Variants in ADAMTS17 observed in about 807,000 individuals in gnomAD.
ADAMTS17 encodes the protein A disintegrin and metalloproteinase with thrombospondin motifs 17.
Under a neutral mutation model 141.5 loss-of-function variants are expected in ADAMTS17, and 113 were observed. That is an observed-to-expected ratio of 0.80 (90% CI 0.69 to 0.93). The LOEUF (loss-of-function observed/expected upper bound fraction) is 0.93. Ranked by LOEUF, ADAMTS17 falls within the 40% of genes least tolerant of loss-of-function variation. The pLI, the probability that ADAMTS17 is intolerant of heterozygous loss-of-function variation, is 0.00. For synonymous variants in ADAMTS17, 768 were observed against 630.6 expected, an observed-to-expected ratio of 1.22 and a Z score of -3.27; for missense variants, 1,659 against 1,517.9, an observed-to-expected ratio of 1.09 and a Z score of -1.54.
intron 15 of ADAMTS17, among the ~76,000 whole-genome samples, chr15:100,089,072 AT>A: frequency 6.6e-6 from 1 of 151,846 alleles, no homozygotes; most frequent in Non-Finnish European, 1.5e-5. Flanking sequence ...ATGAGAGAAA[AT>A]TTTTGCAATC....
chr15:100,139,842 C>A (rs978420229), intron 10 of ADAMTS17, among the ~76,000 whole-genome samples: 4 of 152,124 alleles, frequency 2.6e-5, no homozygotes, highest in African/African-American at 9.7e-5. Context: ...AGAGACATGA[C>A]AACTAAACGT....
At chr15:100,193,557 G>A (rs910613138) in intron 8 of ADAMTS17, among the ~76,000 whole-genome samples, 5 of 152,140 alleles carry the variant, frequency 3.3e-5, no homozygotes, top group Non-Finnish European at 5.9e-5. Context: ...CGTCTTCCGC[G>A]GTTCTCCACC....
chr15:100,073,389 C>G (rs9707851), intron 15 of ADAMTS17, among the ~76,000 whole-genome samples: 3 of 152,018 alleles, frequency 2.0e-5, no homozygotes, highest in African/African-American at 7.3e-5. Context: ...GAAATACCAT[C>G]TGACCCAGCC....
intron 15 of ADAMTS17, among the ~76,000 whole-genome samples, chr15:100,077,151 T>C (rs1031305592): frequency 1.1e-4 from 16 of 151,512 alleles, no homozygotes; most frequent in Admixed American, 9.2e-4. Context: ...GTTTAACATA[T>C]GGAAAAATCA....
rs551234218 is a variant in ADAMTS17, at chr15:100,313,008, G to A, written c.616+17881C>T. The stretch of plus-strand genomic sequence containing the variant: ...AAAGCTTAAACAGATCAATTTTCAC[G>A]GAAGAAAGGGAGAAAGTTATGAAGC... On this transcript the variant is annotated intron_variant, in intron 3 of 21. Coordinates refer to ENST00000268070, the MANE Select transcript of ADAMTS17 (RefSeq NM_139057.4). Among the ~76,000 whole-genome samples, 35 of 152,202 alleles carry A rather than the reference G, an allele frequency of 2.3e-4. 1 individual carries two copies. Among genetic ancestry groups the A allele is most frequent in the Admixed American group, 5.9e-4 (9 of 15,282 alleles).
At chr15:100,135,497 A>T (rs1358856747) in intron 10 of ADAMTS17, among the ~76,000 whole-genome samples, 1 of 152,012 alleles carries the variant, frequency 6.6e-6, no homozygotes, top group Non-Finnish European at 1.5e-5. Context: ...GTTAGCCAGG[A>T]TGGTCTCAAT....
At chr15:100,106,760 T>C (rs2036436347) in intron 14 of ADAMTS17, among the ~76,000 whole-genome samples, 2 of 152,154 alleles carry the variant, frequency 1.3e-5, no homozygotes, top group African/African-American at 4.8e-5. Flanking sequence ...TCTGTGGAAG[T>C]GTGTAATTTG....
rs118167326 is a variant in ADAMTS17, at chr15:100,198,409, C to T, written c.1181+909G>A. 7.4e-4 allele frequency among the ~76,000 whole-genome samples: 112 copies of T among 152,328 alleles called. No homozygotes were observed. The East Asian group carries it at 0.02, about 27-fold the overall frequency. Reference sequence around the variant, plus strand: ...ACTCTCGTAAAAACTAGAGTTAACACTTGAGATTCCAGGCATCTTACTGTG... The same window carrying T: ...ACTCTCGTAAAAACTAGAGTTAACATTTGAGATTCCAGGCATCTTACTGTG... On this transcript the variant is annotated intron_variant, in intron 8 of 21. Transcript: ENST00000268070.
chr15:100,133,435 G>A, intron 10 of ADAMTS17, 120 bp from the exon 11 acceptor site: 1 of 897,870 alleles, frequency 1.1e-6, no homozygotes, highest in Admixed American at 2.0e-5. Flanking sequence ...GTATGGGGAA[G>A]CCAGAGGGTC....
At chr15:100,084,150 C>T (rs1327481270) in intron 15 of ADAMTS17, among the ~76,000 whole-genome samples, 3 of 152,102 alleles carry the variant, frequency 2.0e-5, no homozygotes, top group African/African-American at 4.8e-5. Flanking sequence ...ACCCTAATAC[C>T]ACACTCTTAC....
At position 99,972,024 on chromosome 15, in the gene ADAMTS17, G is replaced by C. The variant is rs545882945; in HGVS notation, c.*2378C>G. On this transcript the variant is annotated 3_prime_UTR_variant, in exon 22 of 22. Transcript: ENST00000268070. ...CCCAGCACTTTGGAAGGCTGAGGCGGGTGGATCATGAGGTCAGGAGATCGA... is the reference window on the plus strand; with the variant it reads ...CCCAGCACTTTGGAAGGCTGAGGCGCGTGGATCATGAGGTCAGGAGATCGA... 5 of 152,260 alleles carry C rather than the reference G, an allele frequency of 3.3e-5. No homozygotes were observed. The highest frequency in any genetic ancestry group is 7.3e-5 in the Non-Finnish European group (5 of 68,064). 9.4% of individuals were successfully genotyped at this position (152,260 alleles called of 1,614,324 possible).
At position 100,268,206 on chromosome 15, in the gene ADAMTS17, G is replaced by A. The variant is rs570560050; in HGVS notation, c.790-5771C>T. On this transcript the variant is annotated intron_variant, in intron 4 of 21. Coordinates refer to ENST00000268070, the MANE Select transcript of ADAMTS17 (RefSeq NM_139057.4). ...TCTTTTATCTAGTTTACCACTGATG[G>A]GCATCTAGGTTGATTCCATGTCTTT... Among the ~76,000 whole-genome samples the A allele has an allele frequency of 4.6e-5, 7 of 152,208 alleles. No homozygotes were observed. In the East Asian group the frequency reaches 1.4e-3, roughly 29 times the overall value.
intron 12 of ADAMTS17, among the ~76,000 whole-genome samples, chr15:100,117,292 C>G (rs540263029): frequency 6.6e-6 from 1 of 152,130 alleles, no homozygotes; most frequent in South Asian, 2.1e-4. Context: ...CCACACATTG[C>G]GTCCTTCATC....
intron 6 of ADAMTS17, among the ~76,000 whole-genome samples, chr15:100,258,152 C>A (rs146077197): frequency 6.6e-6 from 1 of 152,362 alleles, no homozygotes; most frequent in East Asian, 1.9e-4. Flanking sequence ...CACCTCTTGG[C>A]TGTCATGAAT....
chr15:100,013,985 T>G (rs527361403), intron 18 of ADAMTS17, among the ~76,000 whole-genome samples: 3 of 152,350 alleles, frequency 2.0e-5, no homozygotes, highest in African/African-American at 7.2e-5. Context: ...GAATGTCTGG[T>G]AGAATTCTGC....
At chr15:100,164,151 G>A (rs1042137288) in intron 8 of ADAMTS17, among the ~76,000 whole-genome samples, 21 of 152,266 alleles carry the variant, frequency 1.4e-4, no homozygotes, top group South Asian at 4.1e-4. Context: ...CCAGGGACAC[G>A]TGCATACACA....
intron 3 of ADAMTS17, among the ~76,000 whole-genome samples, chr15:100,296,152 G>A (rs537773108): frequency 6.6e-6 from 1 of 152,278 alleles, no homozygotes; most frequent in South Asian, 2.1e-4. Context: ...AAGCCAAGCA[G>A]TGAGCCGGCA....
chr15:100,111,885 G>T (rs2036807808), intron 13 of ADAMTS17, among the ~76,000 whole-genome samples: 1 of 152,178 alleles, frequency 6.6e-6, no homozygotes, highest in Non-Finnish European at 1.5e-5. Flanking sequence ...AGTTGGCAGG[G>T]TCACGCCCCG....
chr15:100,098,008 T>C (rs902580145), intron 14 of ADAMTS17, among the ~76,000 whole-genome samples: 1 of 152,178 alleles, frequency 6.6e-6, no homozygotes, highest in Non-Finnish European at 1.5e-5. Context: ...AAAATGACCA[T>C]GATGAAATCT....
Sources: gnomAD v4.1 joint callset for allele counts (sites outside exome capture counted in the v4.1 genomes callset) on GRCh38, gnomAD v4.1.1 for gene constraint, MANE v1.5 for transcripts, NCBI Gene and HGNC (gene_info 2026-07-23, HGNC 2026-07-21) for gene names.